The following PIAS2 variants were observed in gnomAD, a reference collection of about 807,000 sequenced individuals.
PIAS2 encodes the protein E3 SUMO-protein ligase PIAS2.
PIAS2 carries 19 observed loss-of-function variants against 69.7 expected under a neutral mutation model. The ratio of observed to expected loss-of-function variants is 0.27; its 90% CI spans 0.19 to 0.40. The LOEUF is 0.40. Among genes scored for constraint, PIAS2 ranks in the 10% least tolerant of loss-of-function variants. The probability of loss-of-function intolerance (pLI) is 1.00; values close to 1 mark genes in which losing one functional copy is unlikely to be tolerated. For missense variants in PIAS2, 624 were observed against 757.0 expected (o/e 0.82, Z 2.06); for synonymous variants, 261 against 263.2 (o/e 0.99, Z 0.08).
chr18:46,855,516 ACATAGTAAG>A, intron 4 of PIAS2, 40 bp downstream of exon 4: 1 of 1,562,940 alleles, frequency 6.4e-7, no homozygotes, highest in Admixed American at 1.7e-5. Context: ...AACTACATGC[ACATAGTAAG>A]CAAGTATAAA....
chr18:46,871,713 T>A (rs202223268), intron 2 of PIAS2, among the ~76,000 whole-genome samples: 1 of 152,308 alleles, frequency 6.6e-6, no homozygotes, highest in East Asian at 1.9e-4. Flanking sequence ...AAGAACTTTT[T>A]GTCTTGGGGG....
chr18:46,883,007 A>C (rs2052535744), intron 2 of PIAS2, among the ~76,000 whole-genome samples: 1 of 152,090 alleles, frequency 6.6e-6, no homozygotes, highest in African/African-American at 2.4e-5. Context: ...CAGGAAAAAA[A>C]AAATCGCTTG....
chr18:46,902,068 C>T (rs1030462526), intron 1 of PIAS2, among the ~76,000 whole-genome samples: 1 of 151,904 alleles, frequency 6.6e-6, no homozygotes, highest in African/African-American at 2.4e-5. Context: ...CAGCAAGGTC[C>T]CAGGATATAA....
chr18:46,815,220 C>G, intron 13 of PIAS2, 92 bp downstream of exon 13: 4 of 971,108 alleles, frequency 4.1e-6, no homozygotes, highest in Non-Finnish European at 4.9e-6. Context: ...TCAGAGATGA[C>G]TGTCCTGATT....
chr18:46,919,007 ATGTGTGTGTG>A (rs112427539), upstream of PIAS2, among the ~76,000 whole-genome samples: 6 of 143,218 alleles, frequency 4.2e-5, no homozygotes, highest in Admixed American at 7.0e-5. Flanking sequence ...ATATATATAT[ATGTGTGTGTG>A]TGTGTGTGTG....
chr18:46,857,276 CA>C (rs1198469108), intron 3 of PIAS2, among the ~76,000 whole-genome samples: 1 of 152,148 alleles, frequency 6.6e-6, no homozygotes, highest in African/African-American at 2.4e-5. Context: ...GCTTCAAAGA[CA>C]AATACAACAC....
Position 46,855,667 on chromosome 18 carries a change from G to T in PIAS2, c.585-52C>A, listed in dbSNP as rs4531833. 4 of 1,363,928 alleles carry T rather than the reference G, an allele frequency of 2.9e-6. No individual in the cohort carries two copies. The Admixed American group carries it at 6.8e-5, about 23-fold the overall frequency. 84.5% of individuals were successfully genotyped at this position (1,363,928 alleles called of 1,614,324 possible). Reference sequence around the variant, plus strand: ...TAAAAAAGTACAATGAGAATTCTCAGAACAGTCTCCCCAGGAGGAAAAAAA... The same window carrying T: ...TAAAAAAGTACAATGAGAATTCTCATAACAGTCTCCCCAGGAGGAAAAAAA... On this transcript the variant is annotated intron_variant, in intron 3 of 13. Coordinates refer to ENST00000585916, the MANE Select transcript of PIAS2 (RefSeq NM_004671.5).
rs186475210 is a variant in PIAS2, at chr18:46,863,888, G to T, written c.584+276C>A. 3.3e-5 allele frequency among the ~76,000 whole-genome samples: 5 copies of T among 152,000 alleles called. 1 individual carries two copies. Among genetic ancestry groups the T allele is most frequent in the African/African-American group, 1.2e-4 (5 of 41,528 alleles). On this transcript the variant is annotated intron_variant, in intron 3 of 13. Transcript: ENST00000585916. ...AAGGTTAAATAAAGCCACAGGGTAGGTCCCCAATCCAATATGACAGTGTCT... is the reference window on the plus strand; with the variant it reads ...AAGGTTAAATAAAGCCACAGGGTAGTTCCCCAATCCAATATGACAGTGTCT...
At chr18:46,913,007 A>G (rs1267946126) in intron 1 of PIAS2, among the ~76,000 whole-genome samples, 6 of 152,206 alleles carry the variant, frequency 3.9e-5, no homozygotes, top group Non-Finnish European at 8.8e-5. Context: ...AGTTAAATAT[A>G]TTTTGTTTCG....
intron 1 of PIAS2, among the ~76,000 whole-genome samples, chr18:46,897,994 C>A (rs2055169121): frequency 6.6e-6 from 1 of 151,802 alleles, no homozygotes; most frequent in Non-Finnish European, 1.5e-5. Context: ...ACCTCGGCCT[C>A]CAGAGTAGCT....
rs549849072 is a variant in PIAS2 at position 46,900,914 on chromosome 18, C to T, written c.25-9860G>A. 2.1e-3 allele frequency: 568 copies of T among 264,960 alleles called. 2 individuals carry two copies. The highest frequency in any genetic ancestry group is 0.017 in the Middle Eastern group (14 of 834). 16.4% of individuals were successfully genotyped at this position (264,960 alleles called of 1,614,324 possible). A position where few individuals can be genotyped will look rare whatever the true frequency, so the allele number is the denominator to read the frequency against. ...ACCTGAACCCTAGAGGCGGAGGTTG[C>T]GGTGAGCCGACGTCGTGCCATTGTA... On this transcript the variant is annotated intron_variant, in intron 1 of 13. Coordinates refer to ENST00000585916, the MANE Select transcript of PIAS2 (RefSeq NM_004671.5).
chr18:46,900,215 T>A (rs549881486), intron 1 of PIAS2, among the ~76,000 whole-genome samples: 1 of 151,636 alleles, frequency 6.6e-6, no homozygotes, highest in Non-Finnish European at 1.5e-5. Context: ...AAATAAAAAA[T>A]TAGCTGGGTG....
chr18:46,850,608 T>C (rs140095274), intron 5 of PIAS2, among the ~76,000 whole-genome samples: 21 of 152,334 alleles, frequency 1.4e-4, no homozygotes, highest in Non-Finnish European at 2.6e-4. Context: ...GCATACTTCA[T>C]ATGGTGCTAC....
At chr18:46,817,784 T>C in intron 12 of PIAS2, 1 of 951,958 alleles carries the variant, frequency 1.1e-6, no homozygotes, top group Non-Finnish European at 1.3e-6. Context: ...AAGTTTGATA[T>C]GGTATTTTAG....
intron 2 of PIAS2, among the ~76,000 whole-genome samples, chr18:46,886,507 TA>T: frequency 6.6e-6 from 1 of 152,118 alleles, no homozygotes; most frequent in Non-Finnish European, 1.5e-5. Context: ...AGTAAAATCA[TA>T]AAAGACAGAC....
chr18:46,834,925 A>G (rs1006052887), intron 9 of PIAS2, among the ~76,000 whole-genome samples: 3 of 151,924 alleles, frequency 2.0e-5, no homozygotes, highest in Admixed American at 1.3e-4. Flanking sequence ...CTTAATAATA[A>G]ATAGTAAAAG....
At chr18:46,838,076 T>A (rs1049203539) in intron 8 of PIAS2, among the ~76,000 whole-genome samples, 1 of 152,246 alleles carries the variant, frequency 6.6e-6, no homozygotes, top group Admixed American at 6.5e-5. Flanking sequence ...CATTCTTAGC[T>A]CTGCCTGGGA....
chr18:46,917,073 G>C (rs2058037428), intron 1 of PIAS2: 1 of 988,710 alleles, frequency 1.0e-6, no homozygotes, highest in Admixed American at 6.1e-5. Flanking sequence ...CCAGGTGTGC[G>C]GACCACTGGC....
chr18:46,918,084 C>G (rs56277725), upstream of PIAS2: 10,564 of 150,904 alleles, frequency 0.07, 393 homozygotes, highest in Non-Finnish European at 0.08. Flanking sequence ...GGGTTGGGGG[C>G]GGGGAGAAGT....
Sources: allele counts gnomAD v4.1 joint callset (sites outside exome capture counted in the v4.1 genomes callset), GRCh38; gene constraint gnomAD v4.1.1; transcripts MANE v1.5; gene names NCBI Gene and HGNC (gene_info 2026-07-23, HGNC 2026-07-21).